The following ROBO2 variants were observed in gnomAD, a reference collection of about 807,000 sequenced individuals.
ROBO2 encodes roundabout homolog 2.
ROBO2 carries 53 observed loss-of-function variants against 160.8 expected under a neutral mutation model. That is an observed-to-expected ratio of 0.33 (90% CI 0.26 to 0.41). The LOEUF (loss-of-function observed/expected upper bound fraction) is 0.41. Ranked by LOEUF, ROBO2 falls within the 10% of genes least tolerant of loss-of-function variation. ROBO2 has a pLI of 1.00. For missense variants in ROBO2, 1,577 were observed against 1,722.4 expected (o/e 0.92, Z 1.49); for synonymous variants, 664 against 611.7 (o/e 1.09, Z -1.26).
intron 2 of ROBO2, among the ~76,000 whole-genome samples, chr3:76,943,296 C>T (rs979495145): frequency 2.0e-5 from 3 of 152,262 alleles, no homozygotes; most frequent in Non-Finnish European, 2.9e-5. Flanking sequence ...TGAGTTGTTA[C>T]ATACCACTCG....
chr3:76,961,694 A>G (rs564337087), intron 2 of ROBO2, among the ~76,000 whole-genome samples: 86 of 152,292 alleles, frequency 5.6e-4, no homozygotes, highest in African/African-American at 2.0e-3. Context: ...AAAACAGAAC[A>G]AACTATTCCC....
chr3:76,003,584 A>C (rs1276442715), intron 2 of ROBO2, among the ~76,000 whole-genome samples: 1 of 152,212 alleles, frequency 6.6e-6, no homozygotes, highest in African/African-American at 2.4e-5. Context: ...CTTTGAAAAA[A>C]TACAGTTGGC....
intron 2 of ROBO2, among the ~76,000 whole-genome samples, chr3:76,771,025 C>T (rs977416851): frequency 6.6e-6 from 1 of 151,208 alleles, no homozygotes; most frequent in Non-Finnish European, 1.5e-5. Context: ...TGTTTTCTAC[C>T]TTTGCACATC....
At chr3:76,280,107 C>A (rs567159504) in intron 2 of ROBO2, among the ~76,000 whole-genome samples, 1 of 152,080 alleles carries the variant, frequency 6.6e-6, no homozygotes, top group South Asian at 2.1e-4. Flanking sequence ...TACAATAGAA[C>A]ATTACAAAAT....
intron 19 of ROBO2, among the ~76,000 whole-genome samples, chr3:77,598,293 T>G (rs2094351414): frequency 6.6e-6 from 1 of 151,812 alleles, no homozygotes; most frequent in Admixed American, 6.6e-5. Flanking sequence ...GTATTTCAAA[T>G]AATGAAGCTA....
chr3:77,080,717 A>T (rs2068563471), intron 1 of ROBO2, among the ~76,000 whole-genome samples: 1 of 152,176 alleles, frequency 6.6e-6, no homozygotes. Flanking sequence ...GTTGACGGTA[A>T]GGGTAGACCT....
chr3:76,688,738 G>A (rs2092736730), intron 2 of ROBO2, among the ~76,000 whole-genome samples: 1 of 151,874 alleles, frequency 6.6e-6, no homozygotes, highest in East Asian at 1.9e-4. Context: ...TTCACTCCTT[G>A]TAATCATCTT....
At chr3:75,990,320 G>A (rs538769913) in intron 2 of ROBO2, among the ~76,000 whole-genome samples, 1 of 152,256 alleles carries the variant, frequency 6.6e-6, no homozygotes, top group South Asian at 2.1e-4. Context: ...ACTTCATAGG[G>A]GAAAGAATTT....
At chr3:76,446,587 A>G (rs1192325669) in intron 2 of ROBO2, among the ~76,000 whole-genome samples, 1 of 151,874 alleles carries the variant, frequency 6.6e-6, no homozygotes, top group African/African-American at 2.4e-5. Flanking sequence ...TGCCAAGTCA[A>G]TCCTAAGCCA....
rs142265944 is a variant in ROBO2, at chr3:77,177,817, TC to T, written c.388+79482del. Among the ~76,000 whole-genome samples the T allele has an allele frequency of 5.8e-3, 890 of 152,150 alleles. 5 individuals carry two copies. The highest frequency in any genetic ancestry group is 6.9e-3 in the Non-Finnish European group (468 of 67,940). ...GAATGATTTGTGAAGTAGATCTCTT[TC>T]CCCCTTCATGTTTTCCAATAAGTCA... is the stretch of plus-strand genomic sequence containing the variant. On this transcript the variant is annotated intron_variant, in intron 2 of 25. Coordinates refer to ENST00000461745, the Ensembl canonical transcript of ROBO2.
intron 2 of ROBO2, among the ~76,000 whole-genome samples, chr3:77,262,223 G>A (rs1255957333): frequency 6.6e-6 from 1 of 152,148 alleles, no homozygotes; most frequent in Non-Finnish European, 1.5e-5. Context: ...TAAAGCCATA[G>A]GTTATATGTG....
At chr3:75,996,880 C>A (rs1210997283) in intron 2 of ROBO2, among the ~76,000 whole-genome samples, 1 of 152,092 alleles carries the variant, frequency 6.6e-6, no homozygotes, top group Non-Finnish European at 1.5e-5. Flanking sequence ...TGTAAATCTT[C>A]ACTACTCACT....
chr3:77,087,725 CATAT>C (rs1559978681), intron 1 of ROBO2, among the ~76,000 whole-genome samples: 1 of 150,452 alleles, frequency 6.6e-6, no homozygotes, highest in East Asian at 1.9e-4. Flanking sequence ...TACATGTACA[CATAT>C]ATACATATAT....
At chr3:77,279,722 A>G (rs543986081) in intron 2 of ROBO2, among the ~76,000 whole-genome samples, 1 of 152,146 alleles carries the variant, frequency 6.6e-6, no homozygotes, top group East Asian at 1.9e-4. Flanking sequence ...TCTATTTATT[A>G]TTACTTCACT....
intron 2 of ROBO2, among the ~76,000 whole-genome samples, chr3:76,624,579 G>T (rs563947332): frequency 1.3e-5 from 2 of 151,676 alleles, no homozygotes; most frequent in East Asian, 1.9e-4. Context: ...CGGGCGGATC[G>T]CCTGAGGTTA....
intron 2 of ROBO2, among the ~76,000 whole-genome samples, chr3:76,153,718 A>G (rs2072294311): frequency 6.6e-6 from 1 of 152,130 alleles, no homozygotes; most frequent in African/African-American, 2.4e-5. Flanking sequence ...TCTTCAAAAC[A>G]TTATTCAAAT....
At chr3:76,069,937 A>G (rs946835087) in intron 2 of ROBO2, among the ~76,000 whole-genome samples, 1 of 152,148 alleles carries the variant, frequency 6.6e-6, no homozygotes, top group African/African-American at 2.4e-5. Flanking sequence ...CTCTAAACAT[A>G]AGTTGTGAAG....
At chr3:76,239,181 A>G (rs1705139707) in intron 2 of ROBO2, among the ~76,000 whole-genome samples, 1 of 152,186 alleles carries the variant, frequency 6.6e-6, no homozygotes, top group South Asian at 2.1e-4. Context: ...TTATAGAGAT[A>G]GAGAGAAATA....
chr3:76,690,699 A>G (rs1472055140), intron 2 of ROBO2, among the ~76,000 whole-genome samples: 2 of 152,154 alleles, frequency 1.3e-5, no homozygotes, highest in African/African-American at 4.8e-5. Flanking sequence ...GCTATACAGC[A>G]GAGCCCATGT....
Sources: allele counts gnomAD v4.1 joint callset (sites outside exome capture counted in the v4.1 genomes callset), GRCh38; gene constraint gnomAD v4.1.1; transcripts MANE v1.5; gene names NCBI Gene and HGNC (gene_info 2026-07-23, HGNC 2026-07-21).